The following ACSBG1 variants were observed in gnomAD, a reference collection of about 807,000 sequenced individuals.
ACSBG1 encodes acyl-CoA synthetase bubblegum family member 1, also known as long-chain-fatty-acid--CoA ligase ACSBG1.
Under a neutral mutation model 80.2 loss-of-function variants are expected in ACSBG1, and 39 were observed. That is an observed-to-expected ratio of 0.49 (90% CI 0.38 to 0.64). The LOEUF is 0.64. ACSBG1 is among the 30% of genes least tolerant of loss of function. The pLI is 0.00. For missense variants in ACSBG1, 828 were observed against 966.4 expected (o/e 0.86, Z 1.90); for synonymous variants, 392 against 379.5 (o/e 1.03, Z -0.38).
In ACSBG1 at chr15:78,204,199, T is replaced by C. The variant is rs551968458; in HGVS notation, c.232+3803A>G. Among the ~76,000 whole-genome samples the C allele has an allele frequency of 1.5e-3, 227 of 152,288 alleles. 1 individual carries two copies. Among genetic ancestry groups the C allele is most frequent in the Middle Eastern group, 3.4e-3 (1 of 294 alleles). ...CTCAGTTTCCCCATCTGAATTACAA[T>C]TGGGGTAGACAAGATGTTCTCTATA... On this transcript the variant is annotated intron_variant, in intron 2 of 13. Coordinates refer to ENST00000258873, the MANE Select transcript of ACSBG1 (RefSeq NM_015162.5).
At chr15:78,207,390 T>A (rs2075225322) in intron 2 of ACSBG1, among the ~76,000 whole-genome samples, 1 of 152,198 alleles carries the variant, frequency 6.6e-6, no homozygotes, top group South Asian at 2.1e-4. Flanking sequence ...TTTTTGTTTT[T>A]AAATTTCTGT....
At chr15:78,222,618 T>C (rs888819893) in intron 1 of ACSBG1, among the ~76,000 whole-genome samples, 7 of 152,104 alleles carry the variant, frequency 4.6e-5, no homozygotes, top group African/African-American at 1.7e-4. Context: ...GCAACTTCAC[T>C]CCAGCCCAGG....
At chr15:78,217,957 C>T (rs1260747151) in intron 1 of ACSBG1, among the ~76,000 whole-genome samples, 1 of 152,142 alleles carries the variant, frequency 6.6e-6, no homozygotes, top group East Asian at 1.9e-4. Flanking sequence ...AGAGAACGGC[C>T]AGCTGGTGGT....
chr15:78,234,415 C>T lies in ACSBG1; in HGVS notation c.87G>A (p.Arg29=). The T allele has an allele frequency of 6.2e-7, 1 of 1,612,974 alleles. No homozygotes were observed. Among genetic ancestry groups the T allele is most frequent in the Non-Finnish European group, 8.5e-7 (1 of 1,180,022 alleles). Reference sequence around the variant, plus strand: ...GGGTGGTCCTCACAATCATGTCCTGCCGGCTCTCCTGTGGGGTCTCTCTGC... The same window carrying T: ...GGGTGGTCCTCACAATCATGTCCTGTCGGCTCTCCTGTGGGGTCTCTCTGC... ...LDSRETPQES[R]QDMIVRTTQE... is the part of the protein sequence containing the mutation. The change falls in exon 1 of 14, where the codon CGG becomes CGA. Residue 29 remains arginine (R), a synonymous_variant. Coordinates refer to ENST00000258873, the MANE Select transcript of ACSBG1 (RefSeq NM_015162.5).
At chr15:78,187,271 C>T (rs570167306) in intron 5 of ACSBG1, among the ~76,000 whole-genome samples, 34 of 152,344 alleles carry the variant, frequency 2.2e-4, no homozygotes, top group Admixed American at 1.2e-3. Flanking sequence ...ACCATTCCTT[C>T]TGAAACTATT....
chr15:78,201,025 C>T lies in ACSBG1; in HGVS notation c.233-6299G>A, dbSNP rs1384999075. Among the ~76,000 whole-genome samples the T allele has an allele frequency of 3.9e-5, 6 of 152,348 alleles. No homozygotes were observed. In the East Asian group the frequency reaches 1.2e-3, roughly 29 times the overall value. ...TTTGCCTGTGCTGCGACTCTGCCTG[C>T]AATGCCCTTCCCTCCATCACATGCC... is the stretch of plus-strand genomic sequence containing the variant. On this transcript the variant is annotated intron_variant, in intron 2 of 13. Transcript: ENST00000258873.
At chr15:78,205,728 G>A (rs2075207995) in intron 2 of ACSBG1, among the ~76,000 whole-genome samples, 1 of 152,198 alleles carries the variant, frequency 6.6e-6, no homozygotes, top group African/African-American at 2.4e-5. Flanking sequence ...TGAGGAAGGA[G>A]GACTTTCAGC....
intron 1 of ACSBG1, among the ~76,000 whole-genome samples, chr15:78,220,691 C>T (rs540535569): frequency 2.0e-4 from 30 of 152,124 alleles, no homozygotes; most frequent in Non-Finnish European, 4.4e-4. Context: ...AGAAGATATG[C>T]AAATGGACAA....
rs2141308114 is a variant in ACSBG1 at position 78,168,952 on chromosome 15, A to G, written c.*2492T>C. On this transcript the variant is annotated 3_prime_UTR_variant, in exon 14 of 14. Coordinates refer to ENST00000258873, the MANE Select transcript of ACSBG1 (RefSeq NM_015162.5). ...GACAAAAGATTTGGGAGGCAATGCA[A>G]AATGCTCAGACTTCACAGAGGAAAT... is the stretch of plus-strand genomic sequence containing the variant. The G allele has an allele frequency of 1.2e-6, 2 of 1,604,196 alleles. No homozygotes were observed. Among genetic ancestry groups the G allele is most frequent in the Non-Finnish European group, 1.7e-6 (2 of 1,171,934 alleles).
chr15:78,186,684 G>A (rs999557089), intron 5 of ACSBG1, among the ~76,000 whole-genome samples: 7 of 151,920 alleles, frequency 4.6e-5, no homozygotes, highest in Non-Finnish European at 1.0e-4. Context: ...GTGTGTAGAG[G>A]GAAATTTATA....
At chr15:78,208,300 G>T (rs1404821875) in intron 1 of ACSBG1, among the ~76,000 whole-genome samples, 198 bp from the exon 2 acceptor site, 3 of 152,038 alleles carry the variant, frequency 2.0e-5, no homozygotes, top group African/African-American at 7.2e-5. Context: ...TGTAGGGGCT[G>T]ACCCTGCCCC....
intron 1 of ACSBG1, among the ~76,000 whole-genome samples, chr15:78,220,618 A>T (rs1387909744): frequency 6.6e-6 from 1 of 152,222 alleles, no homozygotes; most frequent in African/African-American, 2.4e-5. Context: ...TTACAACTCA[A>T]TAATAAGAAG....
intron 9 of ACSBG1, among the ~76,000 whole-genome samples, chr15:78,180,206 CTGT>C (rs1325916666): frequency 1.3e-5 from 2 of 152,230 alleles, no homozygotes; most frequent in Admixed American, 6.5e-5. Flanking sequence ...GCAAATGAAG[CTGT>C]GGATGCACAG....
chr15:78,178,909 C>A lies in ACSBG1; in HGVS notation c.1485-78G>T, dbSNP rs2074912136. 9 of 1,415,144 alleles carry A rather than the reference C, an allele frequency of 6.4e-6. No homozygotes were observed. The highest frequency in any genetic ancestry group is 8.5e-6 in the Non-Finnish European group (9 of 1,054,274). 87.7% of individuals were successfully genotyped at this position (1,415,144 alleles called of 1,614,324 possible). A position where few individuals can be genotyped will look rare whatever the true frequency, so the allele number is the denominator to read the frequency against. On this transcript the variant is annotated intron_variant, in intron 10 of 13. Coordinates refer to ENST00000258873, the MANE Select transcript of ACSBG1 (RefSeq NM_015162.5). This position sits in a 1 kb window ranked among gnomAD's most constrained non-coding sequence, Gnocchi z 4.3. The stretch of plus-strand genomic sequence containing the variant: ...CCCCACTGGGGAGCCGGGGTCCCAA[C>A]TGCTCGGTCTTCACTGATTGCTAGA...
intron 8 of ACSBG1, among the ~76,000 whole-genome samples, chr15:78,181,372 C>G (rs1029054206): frequency 3.9e-5 from 6 of 151,942 alleles, no homozygotes; most frequent in Non-Finnish European, 8.8e-5. Flanking sequence ...TCCTGTGAAG[C>G]TGGGATTCAG....
At chr15:78,186,758 A>C (rs2075008880) in intron 5 of ACSBG1, among the ~76,000 whole-genome samples, 2 of 152,320 alleles carry the variant, frequency 1.3e-5, no homozygotes, top group East Asian at 3.9e-4. Flanking sequence ...ATCACAATTA[A>C]AAGAACTAGA....
chr15:78,182,718 G>A lies in ACSBG1; in HGVS notation c.731C>T (p.Ala244Val). The A allele has an allele frequency of 6.2e-7, 1 of 1,614,234 alleles. No individual in the cohort carries two copies. The highest frequency in any genetic ancestry group is 8.5e-7 in the Non-Finnish European group (1 of 1,180,046). Residue 244 changes from alanine to valine, a missense_variant, in exon 6 of 14, where the codon GCC becomes GTC. By Grantham distance (64) the Ala-to-Val change is moderately conservative. Coordinates refer to ENST00000258873, the MANE Select transcript of ACSBG1 (RefSeq NM_015162.5). ...IYKEPPPNKM[A>V]NVYTMEEFME... ...CACTGCCCATACCGTGTACACATTG[G>A]CCATCTTGTTTGGAGGAGGTTCTTT...
At chr15:78,224,148 C>A (rs1481760706) in intron 1 of ACSBG1, among the ~76,000 whole-genome samples, 1 of 152,142 alleles carries the variant, frequency 6.6e-6, no homozygotes, top group Non-Finnish European at 1.5e-5. Flanking sequence ...ACTCACACAT[C>A]CGGTGAGAAA....
intron 5 of ACSBG1, among the ~76,000 whole-genome samples, chr15:78,186,558 T>C (rs1170636189): frequency 6.6e-6 from 1 of 152,178 alleles, no homozygotes; most frequent in Non-Finnish European, 1.5e-5. Flanking sequence ...CTGAACAACC[T>C]GCTCCTGAAT....
Sources: allele counts gnomAD v4.1 joint callset (sites outside exome capture counted in the v4.1 genomes callset), GRCh38; gene constraint gnomAD v4.1.1; non-coding constraint Gnocchi (gnomAD v3.1); transcripts MANE v1.5; gene names NCBI Gene and HGNC (gene_info 2026-07-23, HGNC 2026-07-21).